The following IMPG1 variants were observed in gnomAD, a reference collection of about 807,000 sequenced individuals.
IMPG1 encodes interphotoreceptor matrix proteoglycan of 150 kDa.
In IMPG1, 85 loss-of-function variants were observed where a neutral mutation model predicts 92.0. That is an observed-to-expected ratio of 0.92 (90% CI 0.78 to 1.11). The LOEUF (loss-of-function observed/expected upper bound fraction) is 1.11, where lower values mean the gene tolerates loss of function less well. Ranked by LOEUF, IMPG1 falls within the 50% of genes least tolerant of loss-of-function variation. IMPG1 has a pLI of 0.00. For missense variants in IMPG1, 1,022 were observed against 956.0 expected (o/e 1.07, Z -0.91); for synonymous variants, 367 against 334.1 (o/e 1.10, Z -1.08).
chr6:76,062,646 G>A (rs978017381), intron 1 of IMPG1, among the ~76,000 whole-genome samples: 1 of 152,152 alleles, frequency 6.6e-6, no homozygotes, highest in South Asian at 2.1e-4. Flanking sequence ...AGCTAGTTGT[G>A]TTGAATTGAA....
intron 7 of IMPG1, among the ~76,000 whole-genome samples, chr6:76,015,892 C>G (rs9350613): frequency 0.36 from 55,012 of 150,838 alleles, 10,263 homozygotes; most frequent in East Asian, 0.49. Context: ...AAACATTTAT[C>G]TGGGAAAAAT....
At chr6:75,995,836 T>C (rs1250114025) in intron 12 of IMPG1, among the ~76,000 whole-genome samples, 1 of 152,270 alleles carries the variant, frequency 6.6e-6, no homozygotes, top group African/African-American at 2.4e-5. Context: ...CTGAATTTAC[T>C]GGTATCATCC....
chr6:76,054,771 G>T (rs1221583393), intron 1 of IMPG1, among the ~76,000 whole-genome samples: 1 of 152,016 alleles, frequency 6.6e-6, no homozygotes, highest in Non-Finnish European at 1.5e-5. Flanking sequence ...GTGGCCAATT[G>T]GCTCTTGTTA....
rs1438567420 is a variant in IMPG1, at chr6:75,935,496, C to A, written c.2045-4345G>T. ...GCGCTGGGGGGTCGACCCCGCCGCA[C>A]GTTCGCTCGCTCCTGCTGGCTGCTG... On this transcript the variant is annotated intron_variant, in intron 14 of 16. Transcript: ENST00000369950. 2.6e-5 allele frequency among the ~76,000 whole-genome samples: 4 copies of A among 152,322 alleles called. No homozygotes were observed. In the East Asian group the frequency reaches 7.7e-4, roughly 29 times the overall value.
chr6:76,064,687 C>T (rs1784277086), intron 1 of IMPG1, among the ~76,000 whole-genome samples: 2 of 152,150 alleles, frequency 1.3e-5, no homozygotes, highest in Admixed American at 1.3e-4. Context: ...GAGCTCAGGC[C>T]ACTGTGCATT....
chr6:75,938,083 G>A (rs140033162), intron 14 of IMPG1, among the ~76,000 whole-genome samples: 9 of 152,300 alleles, frequency 5.9e-5, no homozygotes, highest in African/African-American at 2.2e-4. Flanking sequence ...TCTAACACTG[G>A]CTTATACTTT....
At chr6:76,003,057 G>A in intron 11 of IMPG1, 61 bp from the exon 12 acceptor site, 1 of 1,188,278 alleles carries the variant, frequency 8.4e-7, no homozygotes, top group Non-Finnish European at 1.3e-6. Context: ...ATATGAGAAG[G>A]GCTATACCCA....
At chr6:75,937,481 T>C (rs1453962891) in intron 14 of IMPG1, among the ~76,000 whole-genome samples, 1 of 152,194 alleles carries the variant, frequency 6.6e-6, no homozygotes, top group East Asian at 1.9e-4. Context: ...CACACAAATC[T>C]GGCTTTGAAT....
chr6:76,041,374 T>A (rs1001163691), intron 2 of IMPG1, among the ~76,000 whole-genome samples: 6 of 152,332 alleles, frequency 3.9e-5, no homozygotes, highest in Admixed American at 1.3e-4. Flanking sequence ...GTAACCACTC[T>A]TTATTTGTTT....
In IMPG1 at chr6:75,927,538, C is replaced by T. The variant is rs181316002; in HGVS notation, c.2243+3415G>A. On this transcript the variant is annotated intron_variant, in intron 15 of 16. Transcript: ENST00000369950. ...GACCCTCAGAGCACTGCTGTGGTCC[C>T]GTTTCTTCACTGAGAGTCTGTCTGA... Among the ~76,000 whole-genome samples, 22 of 152,178 alleles carry T rather than the reference C, an allele frequency of 1.4e-4. No homozygotes were observed. In the East Asian group the frequency reaches 4.3e-3, roughly 29 times the overall value.
intron 12 of IMPG1, among the ~76,000 whole-genome samples, chr6:75,997,257 G>GA (rs997556341): frequency 2.2e-4 from 33 of 152,150 alleles, no homozygotes; most frequent in Non-Finnish European, 1.5e-4. Context: ...CTTCTGTTAG[G>GA]AAAACCTTGC....
chr6:75,931,034 C>G lies in IMPG1; in HGVS notation c.2162G>C (p.Ser721Thr). 1 of 1,614,214 alleles carries G rather than the reference C, an allele frequency of 6.2e-7. No homozygotes were observed. Among genetic ancestry groups the G allele is most frequent in the Admixed American group, 1.7e-5 (1 of 60,024 alleles). ...RCKPGYDSQGSLDGLEPGLCG... is the reference protein window; with the variant it reads ...RCKPGYDSQGTLDGLEPGLCG... ...GAGGCCTGGTTCCAGACCGTCCAGG[C>G]TCCCCTGGCTGTCATATCCTGGTTT... The change falls in exon 15 of 17, where the codon AGC becomes ACC. Residue 721 changes from serine to threonine, a missense_variant. Coordinates refer to ENST00000369950, the MANE Select transcript of IMPG1 (RefSeq NM_001563.4).
intron 1 of IMPG1, among the ~76,000 whole-genome samples, chr6:76,043,108 G>A (rs1383007123): frequency 6.6e-6 from 1 of 151,970 alleles, no homozygotes; most frequent in Admixed American, 6.6e-5. Context: ...AAGAGAGAGA[G>A]AAGGAAAGAG....
chr6:76,034,782 G>A lies in IMPG1; in HGVS notation c.307C>T (p.Gln103Ter). 1 of 1,613,906 alleles carries A rather than the reference G, an allele frequency of 6.2e-7. No homozygotes were observed. Among genetic ancestry groups the A allele is most frequent in the East Asian group, 2.2e-5 (1 of 44,852 alleles). ...LQAYYRLRVCQEAVWEAYRIF... is the reference protein window; with the variant it reads ...LQAYYRLRVC ...CGATATGCTTCCCATACTGCTTCCTGACACACTGTAATACAGAGTCATTAA... is the reference window on the plus strand; with the variant it reads ...CGATATGCTTCCCATACTGCTTCCTAACACACTGTAATACAGAGTCATTAA... Residue 103 changes from glutamine to a stop codon, truncating the protein, a stop_gained, in exon 3 of 17, where the codon CAG becomes TAG. Coordinates refer to ENST00000369950, the MANE Select transcript of IMPG1 (RefSeq NM_001563.4). LOFTEE classifies it high-confidence loss of function.
intron 12 of IMPG1, among the ~76,000 whole-genome samples, chr6:75,974,375 CTTTCTTTCTT>C (rs1199147093): frequency 4.8e-5 from 4 of 83,416 alleles, no homozygotes; most frequent in Non-Finnish European, 9.3e-5. Context: ...TTCTTTCTTT[CTTTCTTTCTT>C]TCTTTCTTTT....
intron 12 of IMPG1, among the ~76,000 whole-genome samples, chr6:75,983,260 G>GGA (rs1782658937): frequency 6.6e-6 from 1 of 151,858 alleles, no homozygotes; most frequent in African/African-American, 2.4e-5. Flanking sequence ...TAATACAGAG[G>GGA]GAGAGAGCCT....
intron 12 of IMPG1, among the ~76,000 whole-genome samples, chr6:76,001,665 G>A (rs1011838365): frequency 6.6e-6 from 1 of 152,170 alleles, no homozygotes; most frequent in African/African-American, 2.4e-5. Context: ...GCCAGTGAGT[G>A]AACCGTTTTG....
chr6:75,955,796 GT>G (rs1782109999), intron 12 of IMPG1, among the ~76,000 whole-genome samples: 1 of 152,146 alleles, frequency 6.6e-6, no homozygotes, highest in Non-Finnish European at 1.5e-5. Context: ...TTTATTGAAA[GT>G]TTTTAGCATG....
At chr6:75,958,053 C>T (rs1782158017) in intron 12 of IMPG1, among the ~76,000 whole-genome samples, 1 of 152,126 alleles carries the variant, frequency 6.6e-6, no homozygotes, top group Non-Finnish European at 1.5e-5. Flanking sequence ...CCAGTTGTTC[C>T]TTTTCATATT....
Sources: gnomAD v4.1 joint callset for allele counts (sites outside exome capture counted in the v4.1 genomes callset) on GRCh38, gnomAD v4.1.1 for gene constraint, MANE v1.5 for transcripts, NCBI Gene and HGNC (gene_info 2026-07-23, HGNC 2026-07-21) for gene names.